Variants in KCNIP4 observed in about 807,000 individuals in gnomAD.
KCNIP4 encodes the protein Kv channel-interacting protein 4.
In KCNIP4, 12 loss-of-function variants were observed where a neutral mutation model predicts 34.0. The ratio of observed to expected loss-of-function variants is 0.35; its 90% CI spans 0.23 to 0.57. The LOEUF is 0.57. KCNIP4 is among the 20% of genes least tolerant of loss of function. The pLI is 0.83. For missense variants in KCNIP4, 238 were observed against 311.7 expected (o/e 0.76, Z 1.78); for synonymous variants, 124 against 102.2 (o/e 1.21, Z -1.29).
At chr4:21,006,362 CT>C (rs919659508) in intron 1 of KCNIP4, among the ~76,000 whole-genome samples, 2 of 152,144 alleles carry the variant, frequency 1.3e-5, no homozygotes, top group Non-Finnish European at 2.9e-5. Context: ...CAAGAGGTAA[CT>C]TTTGAATTTC....
chr4:21,149,854 T>A (rs1752634617), intron 1 of KCNIP4, among the ~76,000 whole-genome samples: 1 of 152,112 alleles, frequency 6.6e-6, no homozygotes, highest in African/African-American at 2.4e-5. Flanking sequence ...GGAATAAAAT[T>A]ATAAAGGGAG....
intron 3 of KCNIP4, among the ~76,000 whole-genome samples, chr4:20,825,225 G>GTTTTTTTTTT (rs71181592): frequency 7.0e-5 from 8 of 113,620 alleles, no homozygotes; most frequent in Admixed American, 1.9e-4. Context: ...TCAATTTTAC[G>GTTTTTTTTTT]TTTTTTTTTT....
At chr4:21,738,994 A>T (rs778286187) in intron 1 of KCNIP4, among the ~76,000 whole-genome samples, 2 of 152,158 alleles carry the variant, frequency 1.3e-5, no homozygotes, top group Non-Finnish European at 2.9e-5. Flanking sequence ...AATCACAGGC[A>T]TGTATTTCAG....
intron 1 of KCNIP4, among the ~76,000 whole-genome samples, chr4:21,023,693 C>A (rs1288744516): frequency 6.6e-6 from 1 of 151,916 alleles, no homozygotes; most frequent in East Asian, 1.9e-4. Context: ...TACTTGAGGC[C>A]AGGAATTTGA....
chr4:21,513,690 C>G (rs1223648544), intron 1 of KCNIP4, among the ~76,000 whole-genome samples: 1 of 152,192 alleles, frequency 6.6e-6, no homozygotes, highest in African/African-American at 2.4e-5. Context: ...GTGCTAAATG[C>G]TCAATACATT....
intron 1 of KCNIP4, among the ~76,000 whole-genome samples, chr4:21,739,249 T>C (rs1716238079): frequency 6.6e-6 from 1 of 152,128 alleles, no homozygotes; most frequent in Non-Finnish European, 1.5e-5. Flanking sequence ...TGTTGATGTA[T>C]TACCCTAAGA....
At chr4:21,238,894 C>T (rs1759578776) in intron 1 of KCNIP4, among the ~76,000 whole-genome samples, 1 of 152,054 alleles carries the variant, frequency 6.6e-6, no homozygotes, top group Non-Finnish European at 1.5e-5. Context: ...CATATGGAAC[C>T]AAAACAGAGC....
At chr4:21,043,199 G>A (rs964857374) in intron 1 of KCNIP4, among the ~76,000 whole-genome samples, 4 of 152,178 alleles carry the variant, frequency 2.6e-5, no homozygotes, top group African/African-American at 9.7e-5. Context: ...GGCAGTCTCT[G>A]TCATCCTCAG....
At chr4:21,070,904 T>C (rs1744850491) in intron 1 of KCNIP4, among the ~76,000 whole-genome samples, 1 of 151,928 alleles carries the variant, frequency 6.6e-6, no homozygotes, top group South Asian at 2.1e-4. Context: ...CTTGATCTCC[T>C]GACCTCGTGA....
At chr4:21,340,745 T>C (rs1043444271) in intron 1 of KCNIP4, among the ~76,000 whole-genome samples, 13 of 152,010 alleles carry the variant, frequency 8.6e-5, no homozygotes, top group African/African-American at 2.4e-4. Flanking sequence ...AAGGCTGCAG[T>C]TTAGTGTGAG....
chr4:21,231,997 G>A (rs1040060528), intron 1 of KCNIP4, among the ~76,000 whole-genome samples: 13 of 152,096 alleles, frequency 8.5e-5, no homozygotes, highest in Admixed American at 8.5e-4. Flanking sequence ...ATATGAACAG[G>A]TTAATAATGC....
intron 1 of KCNIP4, among the ~76,000 whole-genome samples, chr4:21,044,328 T>C (rs1271652682): frequency 6.6e-6 from 1 of 152,056 alleles, no homozygotes; most frequent in Admixed American, 6.6e-5. Context: ...TTTTTTTCTT[T>C]TGAGATGGAG....
intron 1 of KCNIP4, among the ~76,000 whole-genome samples, chr4:21,509,249 C>T (rs147263543): frequency 7.2e-5 from 11 of 152,270 alleles, no homozygotes; most frequent in African/African-American, 2.6e-4. Flanking sequence ...TTTGCAAACA[C>T]TCTTTCATTT....
At chr4:21,882,877 A>C (rs1726538014) in intron 1 of KCNIP4, among the ~76,000 whole-genome samples, 1 of 152,146 alleles carries the variant, frequency 6.6e-6, no homozygotes, top group South Asian at 2.1e-4. Flanking sequence ...TGAGCTTCTG[A>C]GGTACTATAG....
chr4:21,669,658 T>C (rs1401727498), intron 1 of KCNIP4, among the ~76,000 whole-genome samples: 1 of 152,070 alleles, frequency 6.6e-6, no homozygotes, highest in African/African-American at 2.4e-5. Flanking sequence ...GAGCAGATAA[T>C]GCAAAGTATG....
intron 1 of KCNIP4, among the ~76,000 whole-genome samples, chr4:21,797,178 G>T (rs1448269796): frequency 6.6e-6 from 1 of 152,116 alleles, no homozygotes; most frequent in African/African-American, 2.4e-5. Context: ...TAGAGACACA[G>T]TCTCTGTCAC....
intron 1 of KCNIP4, among the ~76,000 whole-genome samples, chr4:21,218,372 C>G (rs1460495562): frequency 6.6e-6 from 1 of 151,936 alleles, no homozygotes; most frequent in East Asian, 1.9e-4. Flanking sequence ...ATTATGTACA[C>G]CATATACATT....
intron 8 of KCNIP4, 189 bp downstream of exon 8, chr4:20,731,817 G>T (rs1748310429): frequency 2.0e-6 from 2 of 985,222 alleles, no homozygotes; most frequent in Admixed American, 6.2e-5. Context: ...GACTCAGTGG[G>T]CACTCTAAAT....
At chr4:20,995,120 A>T (rs531958567) in intron 1 of KCNIP4, among the ~76,000 whole-genome samples, 13 of 152,340 alleles carry the variant, frequency 8.5e-5, no homozygotes, top group African/African-American at 3.1e-4. Flanking sequence ...CTATTTTAAA[A>T]TGAGAAAACT....
Sources: allele counts gnomAD v4.1 joint callset (sites outside exome capture counted in the v4.1 genomes callset), GRCh38; gene constraint gnomAD v4.1.1; transcripts MANE v1.5; gene names NCBI Gene and HGNC (gene_info 2026-07-23, HGNC 2026-07-21).